Variants in ZNF831 observed in about 807,000 individuals in gnomAD.
ZNF831 encodes the protein chromosome 20 open reading frame 174.
A neutral mutation model predicts 95.8 loss-of-function variants in ZNF831; 59 were observed. The ratio of observed to expected loss-of-function variants is 0.62; its 90% CI spans 0.50 to 0.77. The LOEUF (loss-of-function observed/expected upper bound fraction) is 0.77. Ranked by LOEUF, ZNF831 falls within the 30% of genes least tolerant of loss-of-function variation. The probability of loss-of-function intolerance (pLI) is 0.00; values close to 1 mark genes in which losing one functional copy is unlikely to be tolerated. For synonymous variants in ZNF831, 961 were observed against 925.5 expected (o/e 1.04, Z -0.70); for missense variants, 2,205 against 2,164.0 (o/e 1.02, Z -0.38).
intron 4 of ZNF831, among the ~76,000 whole-genome samples, chr20:59,212,279 G>A (rs56085357): frequency 6.6e-5 from 10 of 152,216 alleles, no homozygotes; most frequent in African/African-American, 2.4e-4. Flanking sequence ...ATTAACAGAT[G>A]GCTTGGCAGT....
intron 1 of ZNF831, among the ~76,000 whole-genome samples, chr20:59,187,082 G>A (rs1983108342): frequency 6.6e-6 from 1 of 152,156 alleles, no homozygotes; most frequent in Non-Finnish European, 1.5e-5. Context: ...GTTCCACACT[G>A]CCAGGAAGCG....
At chr20:59,127,609 T>C (rs1411677256) in intron 1 of ZNF831, among the ~76,000 whole-genome samples, 1 of 152,230 alleles carries the variant, frequency 6.6e-6, no homozygotes, top group Non-Finnish European at 1.5e-5. Flanking sequence ...TCCTACTTTA[T>C]TTGATCTCTA....
In ZNF831 at chr20:59,194,385, C is replaced by T. The variant is rs771686215; in HGVS notation, c.3366C>T (p.Pro1122=). 5.9e-5 allele frequency: 95 copies of T among 1,610,178 alleles called. No homozygotes were observed. The highest frequency in any genetic ancestry group is 1.1e-4 in the East Asian group (5 of 44,860). The change falls in exon 2 of 6, where the codon CCC becomes CCT. Residue 1122 remains proline, a synonymous_variant. Coordinates refer to ENST00000371030, the MANE Select transcript of ZNF831 (RefSeq NM_178457.3). ...EDPSSGPLVG[P]DPCSPLQPGS... ...CTTCTTCAGGGCCCCTGGTGGGCCC[C>T]GACCCGTGTTCCCCCCTCCAGCCTG... is the stretch of plus-strand genomic sequence containing the variant.
At chr20:59,129,171 C>T (rs970093501) in intron 1 of ZNF831, among the ~76,000 whole-genome samples, 2 of 152,172 alleles carry the variant, frequency 1.3e-5, no homozygotes, top group South Asian at 2.1e-4. Context: ...AAGCACAGTG[C>T]CTTATTCAGC....
rs2146545517 is a variant in ZNF831 at position 59,191,289 on chromosome 20, A to G, written c.270A>G (p.Ile90Met). Residue 90 changes from isoleucine (I) to methionine (M), a missense_variant, in exon 2 of 6, where the codon ATA becomes ATG. Transcript: ENST00000371030. ...GSLDGGNVPF[I>M]LSPVLQPEGP... ...TAGATGGGGGCAACGTGCCCTTCAT[A>G]CTCAGCCCTGTGCTGCAGCCTGAAG... is the stretch of plus-strand genomic sequence containing the variant. 4 of 1,581,754 alleles carry G rather than the reference A, an allele frequency of 2.5e-6. No homozygotes were observed.
At chr20:59,143,934 A>G (rs1043249146) in intron 1 of ZNF831, among the ~76,000 whole-genome samples, 2 of 152,202 alleles carry the variant, frequency 1.3e-5, no homozygotes, top group Non-Finnish European at 2.9e-5. Flanking sequence ...ACTTTAATGG[A>G]TTCTATAAAA....
chr20:59,178,100 A>G (rs1333602781), intron 1 of ZNF831, among the ~76,000 whole-genome samples: 2 of 152,162 alleles, frequency 1.3e-5, no homozygotes, highest in South Asian at 2.1e-4. Context: ...GAAACACTGG[A>G]GTCGTGTTTA....
chr20:59,207,596 TG>T (rs1462752827), intron 4 of ZNF831, among the ~76,000 whole-genome samples: 2 of 152,220 alleles, frequency 1.3e-5, no homozygotes, highest in African/African-American at 2.4e-5. Context: ...TAAGTGGGGC[TG>T]CTTCCTGGAA....
At chr20:59,184,932 G>A (rs1982893119) in intron 1 of ZNF831, among the ~76,000 whole-genome samples, 1 of 152,174 alleles carries the variant, frequency 6.6e-6, no homozygotes, top group Non-Finnish European at 1.5e-5. Flanking sequence ...CTGTTTGTGG[G>A]GGGGAATTGG....
Position 59,253,107 on chromosome 20 carries a change from T to C in ZNF831, c.4157T>C (p.Ile1386Thr). 6.2e-7 allele frequency: 1 copy of C among 1,614,074 alleles called. No homozygotes were observed. The highest frequency in any genetic ancestry group is 8.5e-7 in the Non-Finnish European group (1 of 1,179,978). Residue 1386 changes from isoleucine (I) to threonine (T), a missense_variant, in exon 5 of 6, where the codon ATT becomes ACT. Ile to Thr is a moderately conservative substitution (Grantham distance 89). Transcript: ENST00000371030. ...GTLSLGTSSRIVREMDKRTVK... is the reference protein window; with the variant it reads ...GTLSLGTSSRTVREMDKRTVK... ...CTCTCTCTTGGTACAAGTTCAAGAA[T>C]TGTCAGGGAAATGGACAAACGAACT...
At position 59,246,148 on chromosome 20, in the gene ZNF831, G is replaced by A. The variant is rs561096074; in HGVS notation, c.4028-6830G>A. 1.2e-4 allele frequency among the ~76,000 whole-genome samples: 19 copies of A among 152,258 alleles called. No homozygotes were observed. In the South Asian group the frequency reaches 2.1e-3, roughly 17 times the overall value. ...ATCCTCCTCTGAAGGGATTTCTGAG[G>A]TATTTGGAGCCAGCAAGAGGCCAGG... On this transcript the variant is annotated intron_variant, in intron 4 of 5. Coordinates refer to ENST00000371030, the MANE Select transcript of ZNF831 (RefSeq NM_178457.3).
intron 2 of ZNF831, among the ~76,000 whole-genome samples, chr20:59,195,246 T>G (rs1303991641): frequency 6.6e-6 from 1 of 152,068 alleles, no homozygotes. Flanking sequence ...AAGGGGGAAA[T>G]GTGGTGGATG....
intron 4 of ZNF831, among the ~76,000 whole-genome samples, chr20:59,213,997 A>G (rs1211403371): frequency 6.6e-6 from 1 of 152,142 alleles, no homozygotes; most frequent in Non-Finnish European, 1.5e-5. Context: ...CACAATCCCT[A>G]TTGTCAAAAT....
At chr20:59,145,078 G>T (rs1011959480) in intron 1 of ZNF831, among the ~76,000 whole-genome samples, 1 of 152,158 alleles carries the variant, frequency 6.6e-6, no homozygotes, top group Non-Finnish European at 1.5e-5. Flanking sequence ...TGGATGGTCC[G>T]GTTCACGCTC....
chr20:59,226,355 G>C (rs1202366968), intron 4 of ZNF831, among the ~76,000 whole-genome samples: 13 of 152,074 alleles, frequency 8.5e-5, no homozygotes. Flanking sequence ...AGTGGATGCT[G>C]TTGGTGTCCT....
At chr20:59,147,847 A>C (rs1601296654) in intron 2 of ZNF831, among the ~76,000 whole-genome samples, 1 of 152,238 alleles carries the variant, frequency 6.6e-6, no homozygotes, top group Admixed American at 6.5e-5. Context: ...CGAGGCTGTA[A>C]ATCTGAAGAG....
intron 4 of ZNF831, among the ~76,000 whole-genome samples, chr20:59,218,593 CTGTTTTTT>C (rs1342883930): frequency 6.7e-6 from 1 of 148,560 alleles, no homozygotes; most frequent in Admixed American, 6.6e-5. Flanking sequence ...GTTAGCGTGA[CTGTTTTTT>C]TTTTTTATAT....
intron 1 of ZNF831, among the ~76,000 whole-genome samples, chr20:59,131,282 C>T (rs1323685864): frequency 1.3e-5 from 2 of 152,186 alleles, no homozygotes; most frequent in East Asian, 1.9e-4. Context: ...ATCTCCAGCT[C>T]ACATTCTGAT....
chr20:59,217,475 A>G lies in ZNF831; in HGVS notation c.4027+10419A>G, dbSNP rs1485209262. Reference sequence around the variant, plus strand: ...TTTGCTCTAGGGAATAACCAAGAAGAGAAATTGCTGGGTCTTTGAGTGTTG... The same window carrying G: ...TTTGCTCTAGGGAATAACCAAGAAGGGAAATTGCTGGGTCTTTGAGTGTTG... On this transcript the variant is annotated intron_variant, in intron 4 of 5. Transcript: ENST00000371030. This position sits in a 1 kb window ranked among gnomAD's most constrained non-coding sequence, Gnocchi z 4.4. Among the ~76,000 whole-genome samples, 2 of 152,248 alleles carry G rather than the reference A, an allele frequency of 1.3e-5. No individual in the cohort carries two copies. Among genetic ancestry groups the G allele is most frequent in the Non-Finnish European group, 2.9e-5 (2 of 68,042 alleles).
Sources: allele counts gnomAD v4.1 joint callset (sites outside exome capture counted in the v4.1 genomes callset), GRCh38; gene constraint gnomAD v4.1.1; non-coding constraint Gnocchi (gnomAD v3.1); transcripts MANE v1.5; gene names NCBI Gene and HGNC (gene_info 2026-07-23, HGNC 2026-07-21).